The following LHFPL3 variants were observed in gnomAD, a reference collection of about 807,000 sequenced individuals.
LHFPL3 encodes LHFPL tetraspan subfamily member 3.
A neutral mutation model predicts 19.3 loss-of-function variants in LHFPL3; 5 were observed. The observed-to-expected ratio is 0.26, with a 90% CI of 0.14 to 0.54. The LOEUF (loss-of-function observed/expected upper bound fraction) is 0.54. LHFPL3 is among the 20% of genes least tolerant of loss of function. The pLI is 0.94. For missense variants in LHFPL3, 249 were observed against 307.4 expected, an observed-to-expected ratio of 0.81 and a Z score of 1.42; for synonymous variants, 133 against 126.2, an observed-to-expected ratio of 1.05 and a Z score of -0.36.
Position 104,683,445 on chromosome 7 carries a change from A to C in LHFPL3, c.446-53230A>C, listed in dbSNP as rs538482459. Among the ~76,000 whole-genome samples the C allele has an allele frequency of 4.6e-4, 70 of 152,296 alleles. No individual in the cohort carries two copies. The South Asian group carries it at 0.014, about 31-fold the overall frequency. ...ATCATAATTTAACCACCCCTAACTGAAAAGACATACAGTTTCTAATGTTGT... is the reference window on the plus strand; with the variant it reads ...ATCATAATTTAACCACCCCTAACTGCAAAGACATACAGTTTCTAATGTTGT... On this transcript the variant is annotated intron_variant, in intron 1 of 2. Transcript: ENST00000424859.
intron 1 of LHFPL3, among the ~76,000 whole-genome samples, chr7:104,702,389 T>C (rs1048631833): frequency 3.9e-5 from 6 of 152,212 alleles, no homozygotes; most frequent in African/African-American, 1.4e-4. Flanking sequence ...CTTGCTCTTG[T>C]CACAGCTTTC....
At chr7:104,769,751 T>C (rs1794520709) in intron 2 of LHFPL3, among the ~76,000 whole-genome samples, 1 of 152,064 alleles carries the variant, frequency 6.6e-6, no homozygotes. Context: ...AGAATGATGG[T>C]TTCCACAATA....
At chr7:104,776,650 T>A (rs1794641255) in intron 2 of LHFPL3, among the ~76,000 whole-genome samples, 1 of 152,166 alleles carries the variant, frequency 6.6e-6, no homozygotes, top group Non-Finnish European at 1.5e-5. Flanking sequence ...TTTGAGAACC[T>A]CTGATTTTAA....
At chr7:104,707,965 G>A (rs752111665) in intron 1 of LHFPL3, among the ~76,000 whole-genome samples, 6 of 152,142 alleles carry the variant, frequency 3.9e-5, no homozygotes, top group Non-Finnish European at 5.9e-5. Context: ...AAAGAAAGAG[G>A]TACATCAGAG....
chr7:104,430,695 C>T (rs1458189436), intron 1 of LHFPL3, among the ~76,000 whole-genome samples: 1 of 150,928 alleles, frequency 6.6e-6, no homozygotes, highest in African/African-American at 2.4e-5. Flanking sequence ...GTCTCAATCT[C>T]CTGACCTCAT....
intron 1 of LHFPL3, among the ~76,000 whole-genome samples, chr7:104,588,199 T>C (rs1001530642): frequency 2.0e-5 from 3 of 152,214 alleles, no homozygotes; most frequent in Non-Finnish European, 2.9e-5. Context: ...CCCATGCCTA[T>C]GTCCTGAATG....
At chr7:104,790,849 T>C (rs1322723459) in intron 2 of LHFPL3, among the ~76,000 whole-genome samples, 1 of 152,172 alleles carries the variant, frequency 6.6e-6, no homozygotes, top group Admixed American at 6.5e-5. Context: ...GCTTCCCAGG[T>C]TCAAGTAAGG....
At chr7:104,526,967 G>C (rs1376939826) in intron 1 of LHFPL3, among the ~76,000 whole-genome samples, 1 of 152,186 alleles carries the variant, frequency 6.6e-6, no homozygotes, top group Non-Finnish European at 1.5e-5. Context: ...TACATGAAGT[G>C]AGGGAAATAA....
rs1204844158 is a variant in LHFPL3, at chr7:104,387,272, G to A, written c.445+58048G>A. Among the ~76,000 whole-genome samples the A allele has an allele frequency of 2.0e-5, 3 of 152,170 alleles. No individual in the cohort carries two copies. In the South Asian group the frequency reaches 6.2e-4, roughly 31 times the overall value. On this transcript the variant is annotated intron_variant, in intron 1 of 2. Transcript: ENST00000424859. ...AATCCCAGCTACTTGGGAGGCTAAGGCAGGAGAATTGCTTGAACCCTAGAG... is the reference window on the plus strand; with the variant it reads ...AATCCCAGCTACTTGGGAGGCTAAGACAGGAGAATTGCTTGAACCCTAGAG...
Position 104,777,583 on chromosome 7 carries a change from T to C in LHFPL3, c.682+40672T>C, listed in dbSNP as rs1256730557. Among the ~76,000 whole-genome samples the C allele has an allele frequency of 2.0e-5, 3 of 152,218 alleles. No homozygotes were observed. In the South Asian group the frequency reaches 6.2e-4, roughly 32 times the overall value. The stretch of plus-strand genomic sequence containing the variant: ...ATTTCCCTTTGCAGTTAGAATTCCC[T>C]TGGCCTGATGCAAATCCCCAAAGGC... On this transcript the variant is annotated intron_variant, in intron 2 of 2. Transcript: ENST00000424859.
chr7:104,639,048 C>T (rs992262376), intron 1 of LHFPL3, among the ~76,000 whole-genome samples: 1 of 151,948 alleles, frequency 6.6e-6, no homozygotes, highest in Non-Finnish European at 1.5e-5. Context: ...TACAGGCCCA[C>T]CATGCCTAGC....
rs139944249 is a variant in LHFPL3, at chr7:104,526,700, G to A, written c.445+197476G>A. ...ATTCAGACTTTTTGGTGCACTAACA[G>A]CAAAGGCTAGGAAACAATCTTGAAA... On this transcript the variant is annotated intron_variant, in intron 1 of 2. Transcript: ENST00000424859. Among the ~76,000 whole-genome samples, 443 of 152,318 alleles carry A rather than the reference G, an allele frequency of 2.9e-3. 4 individuals carry two copies. Among genetic ancestry groups the A allele is most frequent in the African/African-American group, 9.5e-3 (396 of 41,576 alleles).
intron 1 of LHFPL3, among the ~76,000 whole-genome samples, chr7:104,475,084 T>C (rs888429238): frequency 7.2e-5 from 11 of 152,360 alleles, no homozygotes; most frequent in African/African-American, 2.4e-4. Context: ...AACAGCGTTC[T>C]TTTCTGGGAA....
chr7:104,479,582 G>A (rs990871381), intron 1 of LHFPL3, among the ~76,000 whole-genome samples: 2 of 152,096 alleles, frequency 1.3e-5, no homozygotes, highest in East Asian at 1.9e-4. Context: ...AGTAGAGACG[G>A]CGTTTCACCA....
intron 1 of LHFPL3, among the ~76,000 whole-genome samples, chr7:104,481,493 A>T (rs752077014): frequency 6.6e-6 from 1 of 151,736 alleles, no homozygotes; most frequent in Non-Finnish European, 1.5e-5. Context: ...TCCCCAACAC[A>T]CCTGGACACT....
intron 2 of LHFPL3, among the ~76,000 whole-genome samples, chr7:104,839,108 C>A (rs773890906): frequency 6.6e-6 from 1 of 152,172 alleles, no homozygotes; most frequent in Non-Finnish European, 1.5e-5. Context: ...GGCTGTGAGA[C>A]ACAGAACAGT....
At chr7:104,674,307 A>G (rs1366072699) in intron 1 of LHFPL3, among the ~76,000 whole-genome samples, 4 of 151,804 alleles carry the variant, frequency 2.6e-5, no homozygotes, top group Non-Finnish European at 2.9e-5. Context: ...ACATTCTACA[A>G]TATATTTGAC....
chr7:104,653,203 C>T (rs1381840544), intron 1 of LHFPL3, among the ~76,000 whole-genome samples: 1 of 152,196 alleles, frequency 6.6e-6, no homozygotes, highest in Admixed American at 6.5e-5. Context: ...TGAGAGTCTG[C>T]AGTCCTTAGA....
intron 1 of LHFPL3, among the ~76,000 whole-genome samples, chr7:104,724,521 G>A (rs1313985940): frequency 6.6e-6 from 1 of 152,078 alleles, no homozygotes; most frequent in African/African-American, 2.4e-5. Flanking sequence ...AAATTAGAAA[G>A]GGATAAAGTC....
Sources: gnomAD v4.1 joint callset for allele counts (sites outside exome capture counted in the v4.1 genomes callset) on GRCh38, gnomAD v4.1.1 for gene constraint, MANE v1.5 for transcripts, NCBI Gene and HGNC (gene_info 2026-07-23, HGNC 2026-07-21) for gene names.